Variants in ALYREF observed in about 807,000 individuals in gnomAD.
The protein encoded by ALYREF is THO complex subunit 4.
In ALYREF, 1 loss-of-function variant was observed where a neutral mutation model predicts 25.2. That is an observed-to-expected ratio of 0.04 (90% CI 0.01 to 0.19). ALYREF has a LOEUF of 0.19. Among genes scored for constraint, ALYREF ranks in the 10% least tolerant of loss-of-function variants. The pLI, the probability that ALYREF is intolerant of heterozygous loss-of-function variation, is 1.00. For synonymous variants in ALYREF, 193 were observed against 153.5 expected (o/e 1.26, Z -1.90); for missense variants, 328 against 375.6 (o/e 0.87, Z 1.05).
Position 81,888,109 on chromosome 17 carries a change from G to A in ALYREF, c.*22C>T, listed in dbSNP as rs760699373. On this transcript the variant is annotated 3_prime_UTR_variant, in exon 6 of 6. Transcript: ENST00000505490. This position sits in a 1 kb window ranked among gnomAD's most constrained non-coding sequence, Gnocchi z 5.8. ...AGAGGAGACGCCTGGGTCCTGTTCC[G>A]CACGCGGATTTGCTGGTCTGTTTAA... The A allele has an allele frequency of 2.4e-5, 38 of 1,613,760 alleles. No homozygotes were observed. Among genetic ancestry groups the A allele is most frequent in the South Asian group, 3.3e-5 (3 of 91,060 alleles).
rs530618980 is a variant in ALYREF, at chr17:81,890,590, C to T, written c.390+99G>A. Reference sequence around the variant, plus strand: ...CAGCCCTTCAGAGCTGGGAGGGCTCCCTTCGCTAAGGCGGGAAGGGGACTC... The same window carrying T: ...CAGCCCTTCAGAGCTGGGAGGGCTCTCTTCGCTAAGGCGGGAAGGGGACTC... On this transcript the variant is annotated intron_variant, in intron 2 of 5. Coordinates refer to ENST00000505490, the MANE Select transcript of ALYREF (RefSeq NM_005782.4). 3.8e-5 allele frequency: 58 copies of T among 1,540,044 alleles called. No homozygotes were observed. In the African/African-American group the frequency reaches 6.9e-4, roughly 18 times the overall value.
Position 81,888,041 on chromosome 17 carries a change from A to G in ALYREF, c.*90T>C. The G allele has an allele frequency of 6.7e-7, 1 of 1,494,882 alleles. No homozygotes were observed. The highest frequency in any genetic ancestry group is 9.2e-7 in the Non-Finnish European group (1 of 1,092,754). 92.6% of individuals were successfully genotyped at this position (1,494,882 alleles called of 1,614,324 possible). On this transcript the variant is annotated 3_prime_UTR_variant, in exon 6 of 6. Transcript: ENST00000505490. The surrounding 1 kb of genome is among the most constrained non-coding windows in gnomAD (Gnocchi z 5.8). ...AAAACATAAAAGAAACAAATCCATC[A>G]TTGGCCGCACAGCCCCAGCCACCGC...
Position 81,889,253 on chromosome 17 carries a change from G to C in ALYREF, c.467C>G (p.Ala156Gly), listed in dbSNP as rs1174953454. 1 of 1,614,126 alleles carries C rather than the reference G, an allele frequency of 6.2e-7. No homozygotes were observed. Among genetic ancestry groups the C allele is most frequent in the African/African-American group, 1.3e-5 (1 of 74,942 alleles). ...TGCCTTCCGCTCAAAGTGCACGTCT[G>C]CTGTTCCTAAGCTGCGACCAGAGCG... ...YDRSGRSLGT[A>G]DVHFERKADA... is the part of the protein sequence containing the mutation. Residue 156 changes from alanine (A) to glycine (G), a missense_variant, in exon 3 of 6, where the codon GCA (alanine) becomes GGA (glycine). Around this residue, in one of 3 missense-constraint regions of ALYREF, gnomAD observed 70 missense variants for 129.9 expected, o/e 0.54. Transcript: ENST00000505490.
chr17:81,888,659 C>T lies in ALYREF; in HGVS notation c.539-76G>A. 1.3e-6 allele frequency: 2 copies of T among 1,542,256 alleles called. No homozygotes were observed. The highest frequency in any genetic ancestry group is 1.8e-6 in the Non-Finnish European group (2 of 1,139,516). Reference sequence around the variant, plus strand: ...CACCCAGCTGGCGCCACACCCTGGTCTCCATGCAAACACTGGAAAGGGCCT... The same window carrying T: ...CACCCAGCTGGCGCCACACCCTGGTTTCCATGCAAACACTGGAAAGGGCCT... On this transcript the variant is annotated intron_variant, in intron 3 of 5. Coordinates refer to ENST00000505490, the MANE Select transcript of ALYREF (RefSeq NM_005782.4). The surrounding 1 kb of genome is among the most constrained non-coding windows in gnomAD (Gnocchi z 5.8).
chr17:81,889,387 G>A (rs945497335), intron 2 of ALYREF, 58 bp from the exon 3 acceptor site: 6 of 1,595,034 alleles, frequency 3.8e-6, no homozygotes, highest in African/African-American at 1.3e-5. Context: ...CCTTCTGGTG[G>A]CCCAGGGACA....
rs371512387 is a variant in ALYREF, at chr17:81,890,800, C to T, written c.279G>A (p.Lys93=). ...PYSRPKQLPD[K]WQHDLFDSGF... ...CACTGTCGAAAAGATCGTGCTGCCA[C>T]TTGTCGGGAAGTTGTTTTGGCTGAA... is the stretch of plus-strand genomic sequence containing the variant. Residue 93 remains lysine (K), a synonymous_variant, in exon 2 of 6, where the codon AAG becomes AAA. Transcript: ENST00000505490. 14 of 1,614,032 alleles carry T rather than the reference C, an allele frequency of 8.7e-6. No individual in the cohort carries two copies. In the Admixed American group the frequency reaches 1.7e-4, roughly 19 times the overall value.
intron 1 of ALYREF, 60 bp downstream of exon 1, chr17:81,891,263 C>A: frequency 9.2e-7 from 1 of 1,092,764 alleles, no homozygotes; most frequent in Admixed American, 5.4e-5. Context: ...GCGAGCGGCC[C>A]CGGCCCCAGC....
At chr17:81,890,386 C>G (rs2143495805) in intron 2 of ALYREF, among the ~76,000 whole-genome samples, 1 of 152,342 alleles carries the variant, frequency 6.6e-6, no homozygotes, top group Non-Finnish European at 1.5e-5. Context: ...CTGGGTCTAA[C>G]AGCCAAAAAC....
chr17:81,888,771 A>T lies in ALYREF; in HGVS notation c.539-188T>A, dbSNP rs2039464295. ...ATGGCAAGGAAGCAACCCCACCAACACCTCCTCACTCCTTCTCAGTCCAGA... is the reference window on the plus strand; with the variant it reads ...ATGGCAAGGAAGCAACCCCACCAACTCCTCCTCACTCCTTCTCAGTCCAGA... On this transcript the variant is annotated intron_variant, in intron 3 of 5. Transcript: ENST00000505490. The surrounding 1 kb of genome is among the most constrained non-coding windows in gnomAD (Gnocchi z 5.8). 2.8e-6 allele frequency: 4 copies of T among 1,444,196 alleles called. No individual in the cohort carries two copies. In the South Asian group the frequency reaches 5.7e-5, roughly 21 times the overall value. The allele number at this position is 1,444,196 out of a possible 1,614,324, so 89.5% of individuals were successfully genotyped here.
Position 81,891,466 on chromosome 17 carries a change from C to A in ALYREF, c.115G>T (p.Ala39Ser). 9.0e-7 allele frequency: 1 copy of A among 1,110,092 alleles called. No individual in the cohort carries two copies. Among genetic ancestry groups the A allele is most frequent in the Non-Finnish European group, 1.1e-6 (1 of 904,024 alleles). 68.8% of individuals were successfully genotyped at this position (1,110,092 alleles called of 1,614,324 possible). Residue 39 changes from alanine (A) to serine (S), a missense_variant, in exon 1 of 6, where the codon GCC becomes TCC. By Grantham distance (99) the Ala-to-Ser change is moderately conservative (BLOSUM62 1). Around this residue, in one of 3 missense-constraint regions of ALYREF, gnomAD observed 150 missense variants for 135.3 expected, o/e 1.11. Transcript: ENST00000505490. ...CCGCCGCGGCCGCCCTGGGAGCCGG[C>A]CCGGCCGCGGCCCCGGCCCCCGCCC... Reference protein sequence around the residue: ...GRGGGRGRGRAGSQGGRGGGA... With the variant: ...GRGGGRGRGRSGSQGGRGGGA...
intron 1 of ALYREF, 91 bp downstream of exon 1, chr17:81,891,232 C>A (rs2039521432): frequency 2.9e-6 from 3 of 1,035,310 alleles, no homozygotes; most frequent in Non-Finnish European, 3.5e-6. Context: ...CCTTATCCAC[C>A]CGCCGGCCCG....
intron 2 of ALYREF, chr17:81,889,704 A>G (rs966732725): frequency 2.8e-5 from 6 of 215,246 alleles, no homozygotes; most frequent in Admixed American, 2.5e-4. Flanking sequence ...AAGCAGTCCG[A>G]TATCAGACCA....
Position 81,887,900 on chromosome 17 carries a change from G to A in ALYREF, c.*231C>T, listed in dbSNP as rs2039452878. Reference sequence around the variant, plus strand: ...TGGAAACGCCACCTTCTCCACAACAGCAACCAGTAAAATTTATCCCAAAAA... The same window carrying A: ...TGGAAACGCCACCTTCTCCACAACAACAACCAGTAAAATTTATCCCAAAAA... On this transcript the variant is annotated 3_prime_UTR_variant, in exon 6 of 6. Coordinates refer to ENST00000505490, the MANE Select transcript of ALYREF (RefSeq NM_005782.4). 2 of 492,050 alleles carry A rather than the reference G, an allele frequency of 4.1e-6. No individual in the cohort carries two copies. Among genetic ancestry groups the A allele is most frequent in the South Asian group, 7.6e-5 (2 of 26,146 alleles). 30.5% of individuals were successfully genotyped at this position (492,050 alleles called of 1,614,324 possible). A position where few individuals can be genotyped will look rare whatever the true frequency, so the allele number is the denominator to read the frequency against.
At chr17:81,890,844 G>C (rs770114900) in intron 1 of ALYREF, 24 bp from the exon 2 acceptor site, 1 of 1,614,030 alleles carries the variant, frequency 6.2e-7, no homozygotes, top group Non-Finnish European at 8.5e-7. Flanking sequence ...CGCAACAAGA[G>C]CAGATCTGTG....
chr17:81,890,906 C>A, intron 1 of ALYREF, 86 bp from the exon 2 acceptor site: 1 of 1,581,234 alleles, frequency 6.3e-7, no homozygotes, highest in Non-Finnish European at 8.6e-7. Flanking sequence ...GACCCTTCCT[C>A]TTCCCGGCCT....
Position 81,888,851 on chromosome 17 carries a change from T to A in ALYREF, c.539-268A>T. 1 of 1,412,484 alleles carries A rather than the reference T, an allele frequency of 7.1e-7. No homozygotes were observed. Among genetic ancestry groups the A allele is most frequent in the African/African-American group, 1.4e-5 (1 of 69,482 alleles). The allele number at this position is 1,412,484 out of a possible 1,614,324, so 87.5% of individuals were successfully genotyped here. A position where few individuals can be genotyped will look rare whatever the true frequency, so the allele number is the denominator to read the frequency against. ...GTGCTCGTGGGTGGAGAGGTGTGGG[T>A]GACCTGACGAAGAAGAACCGGTACC... On this transcript the variant is annotated intron_variant, in intron 3 of 5. Transcript: ENST00000505490. This position sits in a 1 kb window ranked among gnomAD's most constrained non-coding sequence, Gnocchi z 5.8.
chr17:81,890,878 A>T, intron 1 of ALYREF, 58 bp from the exon 2 acceptor site: 3 of 1,610,998 alleles, frequency 1.9e-6, no homozygotes, highest in Non-Finnish European at 2.5e-6. Context: ...GGCTTTCCTG[A>T]CCCTCACGGC....
chr17:81,890,642 C>T (rs371306171), intron 2 of ALYREF, 47 bp downstream of exon 2: 5 of 1,596,782 alleles, frequency 3.1e-6, no homozygotes, highest in African/African-American at 1.4e-5. Flanking sequence ...AATCACGATC[C>T]GTCCTGTGCA....
At chr17:81,891,281 G>A in intron 1 of ALYREF, 42 bp downstream of exon 1, 1 of 1,111,744 alleles carries the variant, frequency 9.0e-7, no homozygotes. Flanking sequence ...AGCCCCGGCT[G>A]GCCCCCTCCC....
Sources: allele counts gnomAD v4.1 joint callset (sites outside exome capture counted in the v4.1 genomes callset), GRCh38; gene constraint gnomAD v4.1.1; regional missense constraint gnomAD v4.1.1; non-coding constraint Gnocchi (gnomAD v3.1); transcripts MANE v1.5; gene names NCBI Gene and HGNC (gene_info 2026-07-23, HGNC 2026-07-21).